The following BCAS3 variants were observed in gnomAD, a reference collection of about 807,000 sequenced individuals.
BCAS3 encodes BCAS3 microtubule associated cell migration factor.
In BCAS3, 53 loss-of-function variants were observed where a neutral mutation model predicts 116.1. The observed-to-expected ratio is 0.46, with a 90% CI of 0.37 to 0.57. The LOEUF (loss-of-function observed/expected upper bound fraction) is 0.57, where lower values mean the gene tolerates loss of function less well. Among genes scored for constraint, BCAS3 ranks in the 20% least tolerant of loss-of-function variants. BCAS3 has a pLI of 0.00. For missense variants in BCAS3, 917 were observed against 1,165.4 expected (o/e 0.79, Z 3.10); for synonymous variants, 391 against 408.2 (o/e 0.96, Z 0.51).
At chr17:61,163,163 G>A (rs1298320732) in intron 22 of BCAS3, among the ~76,000 whole-genome samples, 3 of 152,196 alleles carry the variant, frequency 2.0e-5, no homozygotes, top group Admixed American at 6.5e-5. Context: ...GGTGGCTCAC[G>A]CCTGTAATCC....
chr17:60,826,283 A>G (rs1222090294), intron 7 of BCAS3, among the ~76,000 whole-genome samples: 1 of 152,046 alleles, frequency 6.6e-6, no homozygotes, highest in Non-Finnish European at 1.5e-5. Flanking sequence ...TCCCGGTTTC[A>G]AGCAATTCTC....
At chr17:61,117,093 T>G (rs943077489) in intron 22 of BCAS3, among the ~76,000 whole-genome samples, 32 of 152,310 alleles carry the variant, frequency 2.1e-4, no homozygotes, top group Non-Finnish European at 4.6e-4. Context: ...ACCCACACCC[T>G]TTCTCCACTC....
In BCAS3 at chr17:61,208,013, A is replaced by G. The variant is rs576150579; in HGVS notation, c.2425+123449A>G. 1.3e-5 allele frequency among the ~76,000 whole-genome samples: 2 copies of G among 152,342 alleles called. No homozygotes were observed. Among genetic ancestry groups the G allele is most frequent in the African/African-American group, 2.4e-5 (1 of 41,586 alleles). On this transcript the variant is annotated intron_variant, in intron 22 of 23. Coordinates refer to ENST00000407086, the MANE Select transcript of BCAS3 (RefSeq NM_017679.5). The surrounding 1 kb of genome is among the most constrained non-coding windows in gnomAD (Gnocchi z 4.5). ...GGGAAAATTACTATTAGTCTTTTATATGGAAATAACAAAAAACTTAGGAGA... is the reference window on the plus strand; with the variant it reads ...GGGAAAATTACTATTAGTCTTTTATGTGGAAATAACAAAAAACTTAGGAGA...
intron 22 of BCAS3, among the ~76,000 whole-genome samples, chr17:61,274,604 A>G (rs2050617402): frequency 6.6e-6 from 1 of 152,012 alleles, no homozygotes; most frequent in Non-Finnish European, 1.5e-5. Flanking sequence ...TGTTTTTAAT[A>G]GCTGTTTGAA....
At position 61,224,477 on chromosome 17, in the gene BCAS3, C is replaced by T. The variant is rs1371506349; in HGVS notation, c.2425+139913C>T. Reference sequence around the variant, plus strand: ...GGAAAACAGGGTGTACATATGGGGACGAGCAGGTGGTTTGGTTTGCCCATC... The same window carrying T: ...GGAAAACAGGGTGTACATATGGGGATGAGCAGGTGGTTTGGTTTGCCCATC... On this transcript the variant is annotated intron_variant, in intron 22 of 23. Transcript: ENST00000407086. The surrounding 1 kb of genome is among the most constrained non-coding windows in gnomAD (Gnocchi z 5.7). 4.6e-5 allele frequency among the ~76,000 whole-genome samples: 7 copies of T among 152,142 alleles called. No individual in the cohort carries two copies. Among genetic ancestry groups the T allele is most frequent in the South Asian group, 2.1e-4 (1 of 4,826 alleles).
In BCAS3 at chr17:60,771,690, A is replaced by G. The variant is rs550910228; in HGVS notation, c.403+24411A>G. ...TACATTAGGTATATCTCCTAATGCT[A>G]TCCCTCCCCTGTCCCCCTATCCCAC... is the stretch of plus-strand genomic sequence containing the variant. On this transcript the variant is annotated intron_variant, in intron 6 of 23. Transcript: ENST00000407086. 5.3e-5 allele frequency among the ~76,000 whole-genome samples: 8 copies of G among 152,196 alleles called. 1 individual carries two copies. The South Asian group carries it at 1.7e-3, about 32-fold the overall frequency.
chr17:60,818,572 A>G (rs927621888), intron 7 of BCAS3, among the ~76,000 whole-genome samples: 3 of 152,172 alleles, frequency 2.0e-5, no homozygotes, highest in Non-Finnish European at 2.9e-5. Context: ...GATTTTTGTC[A>G]GTTGTGTTTG....
At chr17:61,054,541 A>G (rs1793096709) in intron 19 of BCAS3, among the ~76,000 whole-genome samples, 1 of 151,950 alleles carries the variant, frequency 6.6e-6, no homozygotes, top group African/African-American at 2.4e-5. Flanking sequence ...TAGTTTTTGT[A>G]TTTTTGTAGA....
At position 61,106,242 on chromosome 17, in the gene BCAS3, T is replaced by C. The variant is rs1048453968; in HGVS notation, c.2425+21678T>C. Among the ~76,000 whole-genome samples, 1 of 152,238 alleles carries C rather than the reference T, an allele frequency of 6.6e-6. No individual in the cohort carries two copies. Among genetic ancestry groups the C allele is most frequent in the Non-Finnish European group, 1.5e-5 (1 of 68,038 alleles). ...GGAAAAAACATGGTATATACAGTCA[T>C]GTATGGCATAGTGACCTTTCAGTCA... On this transcript the variant is annotated intron_variant, in intron 22 of 23. Coordinates refer to ENST00000407086, the MANE Select transcript of BCAS3 (RefSeq NM_017679.5). This position sits in a 1 kb window ranked among gnomAD's most constrained non-coding sequence, Gnocchi z 4.2.
intron 22 of BCAS3, among the ~76,000 whole-genome samples, chr17:61,288,685 A>G (rs557879144): frequency 6.6e-6 from 1 of 152,198 alleles, no homozygotes; most frequent in African/African-American, 2.4e-5. Flanking sequence ...GATATGGCGC[A>G]CTGAAGGACT....
chr17:61,188,346 G>A lies in BCAS3; in HGVS notation c.2425+103782G>A, dbSNP rs1334575623. 6.6e-6 allele frequency among the ~76,000 whole-genome samples: 1 copy of A among 152,126 alleles called. No individual in the cohort carries two copies. The highest frequency in any genetic ancestry group is 2.4e-5 in the African/African-American group (1 of 41,420). On this transcript the variant is annotated intron_variant, in intron 22 of 23. Transcript: ENST00000407086. This position sits in a 1 kb window ranked among gnomAD's most constrained non-coding sequence, Gnocchi z 4.0. The stretch of plus-strand genomic sequence containing the variant: ...TGATGTAGTTTCATCAGTCATCTTT[G>A]AAATGTAAAGAGAGTGCTTGTATAA...
intron 6 of BCAS3, among the ~76,000 whole-genome samples, chr17:60,757,394 A>ATGTGTG (rs61645091): frequency 0.037 from 5,005 of 136,592 alleles, 290 homozygotes; most frequent in African/African-American, 0.12. Flanking sequence ...CAGCATGTAT[A>ATGTGTG]TGTGTGTGTG....
intron 19 of BCAS3, among the ~76,000 whole-genome samples, chr17:61,054,416 G>A (rs1247499822): frequency 6.6e-6 from 1 of 152,148 alleles, no homozygotes; most frequent in Admixed American, 6.5e-5. Flanking sequence ...CCCCAGGCTG[G>A]AGTGCCGTGG....
intron 22 of BCAS3, among the ~76,000 whole-genome samples, chr17:61,291,789 GGGCTGATGGT>G (rs1397400416): frequency 6.6e-6 from 1 of 152,204 alleles, no homozygotes. Context: ...GGTTGAAAGT[GGGCTGATGGT>G]GGTTGTGCGT....
At chr17:60,906,512 G>A (rs1416646623) in intron 11 of BCAS3, among the ~76,000 whole-genome samples, 1 of 152,108 alleles carries the variant, frequency 6.6e-6, no homozygotes, top group South Asian at 2.1e-4. Context: ...TGATTTTCTA[G>A]TTCCATCTAT....
At chr17:61,081,066 C>G (rs1377781596) in intron 21 of BCAS3, among the ~76,000 whole-genome samples, 1 of 152,096 alleles carries the variant, frequency 6.6e-6, no homozygotes, top group African/African-American at 2.4e-5. Context: ...CTTTGCAGTC[C>G]TCAACTTAGT....
intron 22 of BCAS3, among the ~76,000 whole-genome samples, chr17:61,109,710 A>C (rs1042171819): frequency 6.6e-5 from 10 of 152,120 alleles, no homozygotes; most frequent in African/African-American, 2.4e-4. Context: ...GCATTTTTCC[A>C]TATGCTTGTT....
chr17:61,302,343 T>A lies in BCAS3; in HGVS notation c.2426-65984T>A, dbSNP rs34807565. On this transcript the variant is annotated intron_variant, in intron 22 of 23. Transcript: ENST00000407086. This position sits in a 1 kb window ranked among gnomAD's most constrained non-coding sequence, Gnocchi z 4.4. The stretch of plus-strand genomic sequence containing the variant: ...ACTTCAAGTATTCAGCAATAACTCA[T>A]GTCCACTTAATGTGAAAATTGGTAC... Among the ~76,000 whole-genome samples the A allele has an allele frequency of 0.035, 5,279 of 152,338 alleles. 122 individuals are homozygous for A. The highest frequency in any genetic ancestry group is 0.051 in the Non-Finnish European group (3,457 of 68,028).
intron 23 of BCAS3, among the ~76,000 whole-genome samples, chr17:61,374,139 A>G (rs1407553052): frequency 6.8e-6 from 1 of 147,932 alleles, no homozygotes; most frequent in Non-Finnish European, 1.5e-5. Context: ...TTCTTGATGC[A>G]TCTCTGTTGC....
Sources: gnomAD v4.1 joint callset for allele counts (sites outside exome capture counted in the v4.1 genomes callset) on GRCh38, gnomAD v4.1.1 for gene constraint, Gnocchi (gnomAD v3.1) non-coding constraint, MANE v1.5 for transcripts, NCBI Gene and HGNC (gene_info 2026-07-23, HGNC 2026-07-21) for gene names.